FAT1: variants seen among roughly 807,000 people sequenced by gnomAD.
FAT1 encodes the protein FAT atypical cadherin 1.
FAT1 carries 171 observed loss-of-function variants against 329.8 expected under a neutral mutation model. That is an observed-to-expected ratio of 0.52 (90% CI 0.46 to 0.59). The LOEUF is 0.59. Among genes scored for constraint, FAT1 ranks in the 20% least tolerant of loss-of-function variants. The probability of loss-of-function intolerance (pLI) is 0.00; values close to 1 mark genes in which losing one functional copy is unlikely to be tolerated. For synonymous variants in FAT1, 2,233 were observed against 2,228.6 expected (o/e 1.00, Z -0.06); for missense variants, 5,672 against 5,774.4 (o/e 0.98, Z 0.57).
intron 3 of FAT1, among the ~76,000 whole-genome samples, chr4:186,654,285 G>A (rs953447498): frequency 1.3e-5 from 2 of 152,222 alleles, no homozygotes; most frequent in African/African-American, 2.4e-5. Flanking sequence ...GAAGCTGCTC[G>A]TAATAGATGA....
intron 26 of FAT1, among the ~76,000 whole-genome samples, chr4:186,594,747 G>A (rs1470293853): frequency 6.9e-6 from 1 of 144,590 alleles, no homozygotes; most frequent in East Asian, 2.0e-4. Context: ...TCTTTAGTTT[G>A]AAAAATGACT....
chr4:186,725,918 G>A (rs1207989168), upstream of FAT1, among the ~76,000 whole-genome samples: 1 of 152,148 alleles, frequency 6.6e-6, no homozygotes, highest in Non-Finnish European at 1.5e-5. This position sits in a 1 kb window ranked among gnomAD's most constrained non-coding sequence, Gnocchi z 5.4. Context: ...GTGAAGACTG[G>A]GGTGAGCAAG....
chr4:186,596,945 A>C lies in FAT1; in HGVS notation c.12595T>G (p.Phe4199Val). The C allele has an allele frequency of 1.2e-6, 2 of 1,613,992 alleles. No homozygotes were observed. The highest frequency in any genetic ancestry group is 8.5e-7 in the Non-Finnish European group (1 of 1,179,900). The change falls in exon 25 of 27, where the codon TTT (phenylalanine) becomes GTT (valine). Residue 4199 changes from phenylalanine to valine, a missense_variant. Transcript: ENST00000441802. The surrounding 1 kb of genome is among the most constrained non-coding windows in gnomAD (Gnocchi z 4.7). ...CTAATCATCTTACGGCAGAGAACAA[A>C]CACCACCACCAGTAAAAATATCCCT... is the stretch of plus-strand genomic sequence containing the variant. ...VAGIFLLVVVFVLCRKMISRK... is the reference protein window; with the variant it reads ...VAGIFLLVVVVVLCRKMISRK...
upstream of FAT1, among the ~76,000 whole-genome samples, chr4:186,724,183 T>TAAA (rs59026469): frequency 0.033 from 2,326 of 71,252 alleles, 81 homozygotes; most frequent in African/African-American, 0.056. This position sits in a 1 kb window ranked among gnomAD's most constrained non-coding sequence, Gnocchi z 5.3. Context: ...TTAGCTTAGC[T>TAAA]AAAAAAAAAA....
At position 186,603,904 on chromosome 4, in the gene FAT1, T is replaced by C. The variant is rs754003525; in HGVS notation, c.10622A>G (p.Tyr3541Cys). Residue 3541 changes from tyrosine (Y) to cysteine (C), a missense_variant, in exon 19 of 27, where the codon TAT (tyrosine) becomes TGT (cysteine). This residue lies in a region of FAT1 where 1,706 missense variants were observed against 1,859.1 expected (regional missense o/e 0.92). Transcript: ENST00000441802. ...CTCCAGGGGCAAAATCGCAGGCGGA[T>C]AGATGCTCTCCTCAATTACCCTAAT... Reference protein sequence around the residue: ...IDIRVIEESIYPPAILPLEIF... With the variant: ...IDIRVIEESICPPAILPLEIF... 3.7e-5 allele frequency: 60 copies of C among 1,613,822 alleles called. No individual in the cohort carries two copies. The highest frequency in any genetic ancestry group is 3.4e-4 in the South Asian group (31 of 91,090).
intron 1 of FAT1, among the ~76,000 whole-genome samples, chr4:186,714,924 A>G (rs147463964): frequency 0.013 from 2,045 of 152,162 alleles, 39 homozygotes; most frequent in African/African-American, 0.047. Context: ...CTAAAAATAC[A>G]AAAAGTAGCT....
intron 21 of FAT1, 84 bp from the exon 22 acceptor site, chr4:186,600,444 T>G (rs1033115886): frequency 8.4e-7 from 1 of 1,191,344 alleles, no homozygotes; most frequent in African/African-American, 1.5e-5. Context: ...AGGAGAGGGC[T>G]TAGGGAGTGA....
At chr4:186,699,033 C>CAGAGTATAA (rs1744172115) in intron 2 of FAT1, among the ~76,000 whole-genome samples, 1 of 152,144 alleles carries the variant, frequency 6.6e-6, no homozygotes, top group South Asian at 2.1e-4. Context: ...ACTCCATGAG[C>CAGAGTATAA]AGAGTATAAC....
At chr4:186,690,297 C>G (rs559102752) in intron 2 of FAT1, among the ~76,000 whole-genome samples, 1 of 152,170 alleles carries the variant, frequency 6.6e-6, no homozygotes. Flanking sequence ...ACCATTCCCA[C>G]CAACCCCAAA....
At chr4:186,644,773 G>A (rs7690248) in intron 3 of FAT1, among the ~76,000 whole-genome samples, 59,893 of 152,058 alleles carry the variant, frequency 0.39, 12,528 homozygotes, top group African/African-American at 0.52. Context: ...TAGACTTCGC[G>A]AAGCAGATAG....
chr4:186,698,289 C>A (rs993621104), intron 2 of FAT1, among the ~76,000 whole-genome samples: 3 of 152,092 alleles, frequency 2.0e-5, no homozygotes, highest in Non-Finnish European at 4.4e-5. Context: ...GCCCCCGCAG[C>A]GAAGAGAAGC....
upstream of FAT1, chr4:186,726,619 A>C (rs1745730740): frequency 6.6e-6 from 1 of 152,304 alleles, no homozygotes; most frequent in African/African-American, 2.4e-5. Flanking sequence ...GCCCGGGAGC[A>C]GCCAAGTTTG....
chr4:186,679,054 T>C (rs932448984), intron 2 of FAT1, among the ~76,000 whole-genome samples: 1 of 151,946 alleles, frequency 6.6e-6, no homozygotes, highest in South Asian at 2.1e-4. Flanking sequence ...TCTTCAGTGA[T>C]TGGAACAGTA....
rs538998569 is a variant in FAT1 at position 186,630,797 on chromosome 4, C to T, written c.4324-2034G>A. ...TGGAAAGGAGTACAAGAGGTGGAGC[C>T]GGGATTCAAACCAAGTGATCTGCTC... On this transcript the variant is annotated intron_variant, in intron 7 of 26. Transcript: ENST00000441802. Among the ~76,000 whole-genome samples, 66 of 152,094 alleles carry T rather than the reference C, an allele frequency of 4.3e-4. No homozygotes were observed. In the South Asian group the frequency reaches 7.5e-3, roughly 17 times the overall value.
At position 186,621,178 on chromosome 4, in the gene FAT1, G is replaced by A. The variant is rs2126522852; in HGVS notation, c.5408C>T (p.Ser1803Leu). 1.2e-6 allele frequency: 2 copies of A among 1,613,976 alleles called. No homozygotes were observed. The highest frequency in any genetic ancestry group is 1.7e-6 in the Non-Finnish European group (2 of 1,179,900). The stretch of plus-strand genomic sequence containing the variant: ...AATGTGATATACAAGCAAAGCATTT[G>A]AGTCTTTATCAGCATCAGCTGCTCG... ...VIRAADADKD[S>L]NALLVYHIVE... Residue 1803 changes from serine (S) to leucine (L), a missense_variant, in exon 10 of 27, where the codon TCA (serine) becomes TTA (leucine). Ser to Leu is a moderately radical substitution (Grantham distance 145, BLOSUM62 -2). Coordinates refer to ENST00000441802, the MANE Select transcript of FAT1 (RefSeq NM_005245.4).
intron 3 of FAT1, among the ~76,000 whole-genome samples, chr4:186,653,866 AAC>A (rs1459517267): frequency 6.6e-6 from 1 of 152,188 alleles, no homozygotes; most frequent in Non-Finnish European, 1.5e-5. Flanking sequence ...CCTTTATAGA[AAC>A]AGTTTGATGA....
intron 14 of FAT1, among the ~76,000 whole-genome samples, 152 bp downstream of exon 14, chr4:186,611,234 T>C (rs1739428520): frequency 6.6e-6 from 1 of 152,144 alleles, no homozygotes; most frequent in Non-Finnish European, 1.5e-5. Flanking sequence ...CAACATTCAA[T>C]CCCACTGTAA....
intron 23 of FAT1, 44 bp from the exon 24 acceptor site, chr4:186,597,836 G>C (rs752904545): frequency 6.3e-7 from 1 of 1,579,652 alleles, no homozygotes; most frequent in African/African-American, 1.3e-5. Context: ...TGATCCTATT[G>C]CAAATAAATA....
At position 186,704,943 on chromosome 4, in the gene FAT1, CTTTTT is replaced by C. The variant is rs575252840; in HGVS notation, c.3265+1615_3265+1619del. On this transcript the variant is annotated intron_variant, in intron 2 of 26. Coordinates refer to ENST00000441802, the MANE Select transcript of FAT1 (RefSeq NM_005245.4). The stretch of plus-strand genomic sequence containing the variant: ...AAATATATTACAACTTCCAAAATAA[CTTTTT>C]TTTTTTTTTTTTTTTTGAGATAGTC... 8.0e-4 allele frequency among the ~76,000 whole-genome samples: 96 copies of C among 120,624 alleles called. 1 individual carries two copies. In the East Asian group the frequency reaches 0.02, roughly 25 times the overall value. 79.1% of individuals were successfully genotyped at this position (120,624 alleles called of 152,430 possible). A position where few individuals can be genotyped will look rare whatever the true frequency, so the allele number is the denominator to read the frequency against.
Sources: gnomAD v4.1 joint callset for allele counts (sites outside exome capture counted in the v4.1 genomes callset) on GRCh38, gnomAD v4.1.1 for gene constraint, gnomAD v4.1.1 regional missense constraint, Gnocchi (gnomAD v3.1) non-coding constraint, MANE v1.5 for transcripts, NCBI Gene and HGNC (gene_info 2026-07-23, HGNC 2026-07-21) for gene names.